The following PTPN5 variants were observed in gnomAD, a reference collection of about 807,000 sequenced individuals.
PTPN5 encodes tyrosine-protein phosphatase non-receptor type 5.
Under a neutral mutation model 73.9 loss-of-function variants are expected in PTPN5, and 29 were observed. The observed-to-expected ratio is 0.39, with a 90% CI of 0.29 to 0.54. PTPN5 has a LOEUF of 0.54. Among genes scored for constraint, PTPN5 ranks in the 20% least tolerant of loss-of-function variants. The probability of loss-of-function intolerance (pLI) is 0.65; values close to 1 mark genes in which losing one functional copy is unlikely to be tolerated. For missense variants in PTPN5, 652 were observed against 751.4 expected (o/e 0.87, Z 1.55); for synonymous variants, 267 against 304.7 (o/e 0.88, Z 1.29).
At chr11:18,774,987 C>A (rs553149151) in intron 1 of PTPN5, among the ~76,000 whole-genome samples, 5 of 152,332 alleles carry the variant, frequency 3.3e-5, no homozygotes, top group Admixed American at 6.5e-5. Flanking sequence ...AGTATCTTCA[C>A]AACAGAAAGG....
intron 3 of PTPN5, among the ~76,000 whole-genome samples, chr11:18,764,023 T>A (rs979225318): frequency 2.6e-5 from 4 of 152,210 alleles, no homozygotes; most frequent in African/African-American, 9.7e-5. Context: ...TCCCTGATTG[T>A]AGAGTCATCT....
At chr11:18,773,801 G>A (rs1335000007) in intron 1 of PTPN5, among the ~76,000 whole-genome samples, 5 of 152,226 alleles carry the variant, frequency 3.3e-5, no homozygotes, top group Non-Finnish European at 7.3e-5. Flanking sequence ...AGGTGGGTGT[G>A]TCAATCAGGT....
chr11:18,742,163 GCCCTGGGCA>G lies in PTPN5; in HGVS notation c.725+90_725+98del. 6.5e-7 allele frequency: 1 copy of G among 1,530,044 alleles called. No homozygotes were observed. Among genetic ancestry groups the G allele is most frequent in the South Asian group, 1.2e-5 (1 of 81,382 alleles). The allele number at this position is 1,530,044 out of a possible 1,614,324, so 94.8% of individuals were successfully genotyped here. A position where few individuals can be genotyped will look rare whatever the true frequency, so the allele number is the denominator to read the frequency against. ...CTGGCTAAGCTATAAGGCCAGCTCT[GCCCTGGGCA>G]CCAGGAGTCAGAGTCAGGCATCCAC... On this transcript the variant is annotated intron_variant, in intron 7 of 14. Transcript: ENST00000358540. The surrounding 1 kb of genome is among the most constrained non-coding windows in gnomAD (Gnocchi z 4.1).
intron 4 of PTPN5, chr11:18,743,708 T>G (rs999274941): frequency 1.9e-5 from 11 of 576,010 alleles, no homozygotes; most frequent in Admixed American, 1.8e-4. Context: ...TAGAAAGGCC[T>G]CCACAGACAG....
At chr11:18,741,801 C>A (rs991225238) in intron 7 of PTPN5, among the ~76,000 whole-genome samples, 1 of 152,120 alleles carries the variant, frequency 6.6e-6, no homozygotes, top group African/African-American at 2.4e-5. Context: ...ATCATTTGTA[C>A]CCCAAACCTC....
At chr11:18,750,670 G>A (rs973749816) in intron 3 of PTPN5, among the ~76,000 whole-genome samples, 1 of 152,202 alleles carries the variant, frequency 6.6e-6, no homozygotes, top group Non-Finnish European at 1.5e-5. Flanking sequence ...CCACAGGGAG[G>A]ATTTGCCCTC....
intron 2 of PTPN5, among the ~76,000 whole-genome samples, chr11:18,766,313 G>A (rs1410770063): frequency 6.6e-6 from 1 of 152,174 alleles, no homozygotes; most frequent in Non-Finnish European, 1.5e-5. Flanking sequence ...TTGAAATTAT[G>A]ACCTAGGACT....
At chr11:18,766,439 A>G (rs1455737409) in intron 2 of PTPN5, among the ~76,000 whole-genome samples, 1 of 152,218 alleles carries the variant, frequency 6.6e-6, no homozygotes, top group Non-Finnish European at 1.5e-5. Context: ...CAGCTCTCCA[A>G]GATATGCAAG....
rs115591429 is a variant in PTPN5, at chr11:18,750,490, T to C, written c.98-6291A>G. 3.9e-3 allele frequency among the ~76,000 whole-genome samples: 600 copies of C among 152,292 alleles called. 4 individuals are homozygous for C. Among genetic ancestry groups the C allele is most frequent in the African/African-American group, 0.014 (574 of 41,564 alleles). On this transcript the variant is annotated intron_variant, in intron 3 of 14. Coordinates refer to ENST00000358540, the MANE Select transcript of PTPN5 (RefSeq NM_006906.2). Reference sequence around the variant, plus strand: ...CACCCCTCAACCATCTGGGTGATGATGCTGGGCTCCATGGCCTGTCAACTG... The same window carrying C: ...CACCCCTCAACCATCTGGGTGATGACGCTGGGCTCCATGGCCTGTCAACTG...
chr11:18,778,308 CT>C (rs1041158177), intron 1 of PTPN5, among the ~76,000 whole-genome samples: 1 of 152,238 alleles, frequency 6.6e-6, no homozygotes, highest in African/African-American at 2.4e-5. Flanking sequence ...CTCAGTCTCA[CT>C]GTTGCTTATC....
chr11:18,743,835 A>C (rs1293022985), intron 4 of PTPN5, 171 bp downstream of exon 4: 1 of 742,016 alleles, frequency 1.3e-6, no homozygotes, highest in East Asian at 3.0e-5. Context: ...GCGGTAGCTC[A>C]GAATTCCAGC....
At chr11:18,772,600 G>T (rs372414838) in intron 1 of PTPN5, among the ~76,000 whole-genome samples, 1 of 152,218 alleles carries the variant, frequency 6.6e-6, no homozygotes, top group African/African-American at 2.4e-5. Context: ...TGGGAGAAGT[G>T]GGTGCGGGCA....
At chr11:18,762,245 A>C (rs1850430683) in intron 3 of PTPN5, among the ~76,000 whole-genome samples, 1 of 152,144 alleles carries the variant, frequency 6.6e-6, no homozygotes, top group Non-Finnish European at 1.5e-5. Flanking sequence ...GGAACGAATG[A>C]GCCACCAGGC....
At chr11:18,791,912 G>C (rs1409582864), upstream of PTPN5, 3 of 152,202 alleles carry the variant, frequency 2.0e-5, no homozygotes, top group Non-Finnish European at 4.4e-5. Context: ...GCGGGGGACC[G>C]GGAGAGCGGC....
Position 18,742,640 on chromosome 11 carries a change from A to C in PTPN5, c.484-137T>G, listed in dbSNP as rs568495031. ...CTCTGCTCTCCTGGGAGTTGTCCAC[A>C]AGGCACTGCCCCTGGCCTCGATGGG... On this transcript the variant is annotated intron_variant, in intron 6 of 14. Coordinates refer to ENST00000358540, the MANE Select transcript of PTPN5 (RefSeq NM_006906.2). This position sits in a 1 kb window ranked among gnomAD's most constrained non-coding sequence, Gnocchi z 4.1. The C allele has an allele frequency of 1.6e-4, 217 of 1,320,050 alleles. No homozygotes were observed. The African/African-American group carries it at 2.8e-3, about 17-fold the overall frequency. 81.8% of individuals were successfully genotyped at this position (1,320,050 alleles called of 1,614,324 possible). A position where few individuals can be genotyped will look rare whatever the true frequency, so the allele number is the denominator to read the frequency against.
At chr11:18,740,252 G>A (rs887432865) in intron 8 of PTPN5, among the ~76,000 whole-genome samples, 2 of 152,196 alleles carry the variant, frequency 1.3e-5, no homozygotes, top group Non-Finnish European at 2.9e-5. Context: ...AGGAAAGTGG[G>A]AAAACAGAAG....
chr11:18,729,606 G>GCCCA lies in PTPN5; in HGVS notation c.1491-44_1491-41dup, dbSNP rs1335755681. 1 of 1,569,790 alleles carries GCCCA rather than the reference G, an allele frequency of 6.4e-7. No individual in the cohort carries two copies. The highest frequency in any genetic ancestry group is 8.6e-7 in the Non-Finnish European group (1 of 1,156,462). ...GACCGGTGGGGTGAGGGGCAGGGCA[G>GCCCA]CCCAGCGGGTGGGGGGCTGCCCCGC... On this transcript the variant is annotated intron_variant, in intron 13 of 14. Transcript: ENST00000358540. The surrounding 1 kb of genome is among the most constrained non-coding windows in gnomAD (Gnocchi z 5.2).
chr11:18,733,416 T>C lies in PTPN5; in HGVS notation c.1081-44A>G, dbSNP rs201366998. On this transcript the variant is annotated intron_variant, in intron 10 of 14. Coordinates refer to ENST00000358540, the MANE Select transcript of PTPN5 (RefSeq NM_006906.2). This position sits in a 1 kb window ranked among gnomAD's most constrained non-coding sequence, Gnocchi z 4.3. ...AGGCTGTCAGGGTCAGAGGCAGTGC[T>C]CCCAGGACCCCATCCCCACACTCAG... 793 of 1,609,990 alleles carry C rather than the reference T, an allele frequency of 4.9e-4. 2 individuals carry two copies. The Middle Eastern group carries it at 9.6e-3, about 19-fold the overall frequency.
At chr11:18,740,547 G>A (rs1438527320) in intron 8 of PTPN5, 56 bp downstream of exon 8, 6 of 1,359,446 alleles carry the variant, frequency 4.4e-6, no homozygotes, top group East Asian at 2.8e-5. Context: ...ACCTGGGCAG[G>A]TGGATGATTG....
Sources: allele counts gnomAD v4.1 joint callset (sites outside exome capture counted in the v4.1 genomes callset), GRCh38; gene constraint gnomAD v4.1.1; non-coding constraint Gnocchi (gnomAD v3.1); transcripts MANE v1.5; gene names NCBI Gene and HGNC (gene_info 2026-07-23, HGNC 2026-07-21).